ENTPD1: variants seen among roughly 807,000 people sequenced by gnomAD.
ENTPD1 encodes the protein ectonucleoside triphosphate diphosphohydrolase 1.
A neutral mutation model predicts 57.0 loss-of-function variants in ENTPD1; 33 were observed. The ratio of observed to expected loss-of-function variants is 0.58; its 90% CI spans 0.44 to 0.77. The LOEUF (loss-of-function observed/expected upper bound fraction) is 0.77. Among genes scored for constraint, ENTPD1 ranks in the 30% least tolerant of loss-of-function variants. ENTPD1 has a pLI of 0.00. For synonymous variants in ENTPD1, 202 were observed against 218.8 expected, an observed-to-expected ratio of 0.92 and a Z score of 0.68; for missense variants, 501 against 603.4, an observed-to-expected ratio of 0.83 and a Z score of 1.78.
chr10:95,759,106 A>T (rs1429177361), intron 1 of ENTPD1, among the ~76,000 whole-genome samples: 1 of 152,144 alleles, frequency 6.6e-6, no homozygotes, highest in Non-Finnish European at 1.5e-5. Context: ...GGAACTCAAT[A>T]AATATTTAGT....
At chr10:95,745,972 C>T (rs951034434) in intron 1 of ENTPD1, among the ~76,000 whole-genome samples, 1 of 152,160 alleles carries the variant, frequency 6.6e-6, no homozygotes, top group Middle Eastern at 3.2e-3. Context: ...TACTTCACTC[C>T]CTCTCCCAAC....
chr10:95,861,161 C>G (rs935470721), intron 8 of ENTPD1, among the ~76,000 whole-genome samples: 1 of 152,210 alleles, frequency 6.6e-6, no homozygotes, highest in African/African-American at 2.4e-5. Context: ...CTCCTTCAGT[C>G]CCCAAATCAG....
rs1003603666 is a variant in ENTPD1, at chr10:95,874,342, G to A, written c.*7959G>A. On this transcript the variant is annotated 3_prime_UTR_variant, in exon 10 of 10. Transcript: ENST00000371205. Reference sequence around the variant, plus strand: ...GTCCATGCAAGTCTGAAATCCAGTGGGGCAGTCAAATTTTAAAGCTCCATA... The same window carrying A: ...GTCCATGCAAGTCTGAAATCCAGTGAGGCAGTCAAATTTTAAAGCTCCATA... Among the ~76,000 whole-genome samples, 2 of 152,110 alleles carry A rather than the reference G, an allele frequency of 1.3e-5. No individual in the cohort carries two copies. The highest frequency in any genetic ancestry group is 3.8e-4 in the East Asian group (2 of 5,200).
intron 1 of ENTPD1, among the ~76,000 whole-genome samples, chr10:95,726,768 C>A (rs149107996): frequency 5.5e-4 from 84 of 152,252 alleles, no homozygotes; most frequent in African/African-American, 1.8e-3. Flanking sequence ...GGGGGTTTAT[C>A]TCTGAGAGGG....
At chr10:95,864,488 T>C (rs757535154) in intron 8 of ENTPD1, among the ~76,000 whole-genome samples, 4 of 152,168 alleles carry the variant, frequency 2.6e-5, no homozygotes, top group Non-Finnish European at 5.9e-5. Context: ...GGAGGACCTG[T>C]TATTATCTCA....
intron 2 of ENTPD1, among the ~76,000 whole-genome samples, chr10:95,829,863 G>GAATGGATTAATCCATTCATGGATA (rs1365591371): frequency 2.6e-5 from 4 of 152,128 alleles, no homozygotes; most frequent in African/African-American, 7.2e-5. Context: ...CTGACCTCAT[G>GAATGGATTAATCCATTCATGGATA]AATGGATTAA....
At chr10:95,705,692 A>G in the ENTPD1 span, among the ~76,000 whole-genome samples, 642 of 152,240 alleles carry the variant, frequency 4.2e-3, 6 homozygotes, top group African/African-American at 0.014. Context: ...GGGTTTCGCC[A>G]TTTTGGCCAG....
intron 8 of ENTPD1, among the ~76,000 whole-genome samples, chr10:95,862,269 C>T (rs1031914642): frequency 6.6e-6 from 1 of 152,176 alleles, no homozygotes; most frequent in Non-Finnish European, 1.5e-5. Context: ...TGTTATGACC[C>T]AGGGTTCACT....
At chr10:95,730,898 A>G (rs1046906972) in intron 1 of ENTPD1, among the ~76,000 whole-genome samples, 2 of 152,218 alleles carry the variant, frequency 1.3e-5, no homozygotes, top group Non-Finnish European at 2.9e-5. Flanking sequence ...TAATAGCTTC[A>G]TTAGGTCAAT....
At chr10:95,729,706 G>T (rs899498323) in intron 1 of ENTPD1, among the ~76,000 whole-genome samples, 9 of 152,136 alleles carry the variant, frequency 5.9e-5, no homozygotes, top group African/African-American at 1.7e-4. Context: ...CTCACTCTAT[G>T]TTGTCTTGGG....
the ENTPD1 span, among the ~76,000 whole-genome samples, chr10:95,698,830 C>CT: frequency 6.6e-6 from 1 of 152,136 alleles, no homozygotes; most frequent in African/African-American, 2.4e-5. Context: ...AGATACACAC[C>CT]TTGTCAAACT....
At chr10:95,839,432 A>T (rs988281434) in intron 2 of ENTPD1, 7 of 490,074 alleles carry the variant, frequency 1.4e-5, no homozygotes, top group African/African-American at 1.4e-4. Flanking sequence ...AGAAGCTTCT[A>T]AACAATACTG....
intron 2 of ENTPD1, among the ~76,000 whole-genome samples, chr10:95,836,966 ATGTT>A (rs2098411277): frequency 6.6e-6 from 1 of 152,230 alleles, no homozygotes. Context: ...AGAAGACAAA[ATGTT>A]TGGCACAGTT....
intron 9 of ENTPD1, among the ~76,000 whole-genome samples, chr10:95,865,157 T>C (rs1442694404): frequency 1.3e-5 from 2 of 152,206 alleles, no homozygotes; most frequent in African/African-American, 4.8e-5. Flanking sequence ...AGTAACAGCA[T>C]TTCAGCAGCT....
At chr10:95,723,890 G>T (rs558183502) in intron 1 of ENTPD1, among the ~76,000 whole-genome samples, 1 of 151,884 alleles carries the variant, frequency 6.6e-6, no homozygotes, top group Non-Finnish European at 1.5e-5. Flanking sequence ...GCACAGGCAC[G>T]GTGGCTCACG....
intron 1 of ENTPD1, among the ~76,000 whole-genome samples, chr10:95,806,572 G>A (rs572787360): frequency 6.6e-6 from 1 of 152,252 alleles, no homozygotes; most frequent in African/African-American, 2.4e-5. Flanking sequence ...GAGGTGCTCT[G>A]GTTTTTAGAA....
At chr10:95,818,213 T>G (rs924207340) in intron 1 of ENTPD1, among the ~76,000 whole-genome samples, 2 of 152,212 alleles carry the variant, frequency 1.3e-5, no homozygotes, top group African/African-American at 4.8e-5. Flanking sequence ...ATTCATTCAT[T>G]CATTCATTCA....
intron 1 of ENTPD1, among the ~76,000 whole-genome samples, chr10:95,738,185 G>C (rs906714736): frequency 6.6e-6 from 1 of 152,192 alleles, no homozygotes; most frequent in Non-Finnish European, 1.5e-5. Context: ...TATGGATACT[G>C]AGCTCACATG....
intron 1 of ENTPD1, among the ~76,000 whole-genome samples, chr10:95,797,354 C>T (rs921746401): frequency 6.6e-6 from 1 of 151,962 alleles, no homozygotes; most frequent in Non-Finnish European, 1.5e-5. Flanking sequence ...AAGGCCTGGG[C>T]TGGAAATACA....
Sources: gnomAD v4.1 joint callset for allele counts (sites outside exome capture counted in the v4.1 genomes callset) on GRCh38, gnomAD v4.1.1 for gene constraint, MANE v1.5 for transcripts, NCBI Gene and HGNC (gene_info 2026-07-23, HGNC 2026-07-21) for gene names.